Variants in KLF12 observed in about 807,000 individuals in gnomAD.
KLF12 encodes the protein Krueppel-like factor 12.
In KLF12, 9 loss-of-function variants were observed where a neutral mutation model predicts 37.8. The observed-to-expected ratio is 0.24, with a 90% CI of 0.14 to 0.42. The LOEUF (loss-of-function observed/expected upper bound fraction) is 0.42. Ranked by LOEUF, KLF12 falls within the 10% of genes least tolerant of loss-of-function variation. The pLI, the probability that KLF12 is intolerant of heterozygous loss-of-function variation, is 1.00. For missense variants in KLF12, 411 were observed against 516.0 expected (o/e 0.80, Z 1.97); for synonymous variants, 208 against 202.1 (o/e 1.03, Z -0.25).
chr13:74,058,911 T>C (rs901962173), intron 1 of KLF12, among the ~76,000 whole-genome samples: 5 of 152,182 alleles, frequency 3.3e-5, no homozygotes, highest in Admixed American at 6.5e-5. Flanking sequence ...TAAATGATCA[T>C]TGTACCCAAA....
rs576477078 is a variant in KLF12 at position 74,098,013 on chromosome 13, A to G, written c.-32+35726T>C. Reference sequence around the variant, plus strand: ...CAACCAACTGGCTAATCTTATTTTTACAGGCTACTACTAGCCTCGACTATC... The same window carrying G: ...CAACCAACTGGCTAATCTTATTTTTGCAGGCTACTACTAGCCTCGACTATC... On this transcript the variant is annotated intron_variant, in intron 1 of 7. Transcript: ENST00000377669. Among the ~76,000 whole-genome samples, 24 of 152,278 alleles carry G rather than the reference A, an allele frequency of 1.6e-4. 1 individual carries two copies. In the South Asian group the frequency reaches 4.6e-3, roughly 29 times the overall value.
intron 1 of KLF12, among the ~76,000 whole-genome samples, chr13:74,097,817 A>G (rs1249981648): frequency 6.6e-6 from 1 of 151,732 alleles, no homozygotes; most frequent in Non-Finnish European, 1.5e-5. Context: ...TAATTTCCCC[A>G]CACTTCAGAC....
At chr13:73,728,263 A>G (rs1048163898) in intron 6 of KLF12, among the ~76,000 whole-genome samples, 16 of 152,224 alleles carry the variant, frequency 1.1e-4, no homozygotes, top group African/African-American at 3.9e-4. Context: ...TAGATTGTCC[A>G]CTGTTAGTAT....
the KLF12 span, among the ~76,000 whole-genome samples, chr13:74,182,962 C>T: frequency 0.27 from 41,478 of 151,922 alleles, 8,823 homozygotes; most frequent in African/African-American, 0.59. Flanking sequence ...TTAACTCTTT[C>T]TCCAGGAACA....
At chr13:73,768,888 A>G (rs1485697398) in intron 5 of KLF12, among the ~76,000 whole-genome samples, 1 of 149,538 alleles carries the variant, frequency 6.7e-6, no homozygotes, top group Non-Finnish European at 1.5e-5. Flanking sequence ...CATGGATGAT[A>G]TAAGATTATC....
chr13:73,942,742 A>G (rs1256250863), intron 3 of KLF12, among the ~76,000 whole-genome samples: 1 of 152,206 alleles, frequency 6.6e-6, no homozygotes, highest in Admixed American at 6.5e-5. Context: ...CTGTGGAGTC[A>G]TGTTATTGGT....
intron 5 of KLF12, among the ~76,000 whole-genome samples, chr13:73,783,826 T>G (rs953619579): frequency 2.0e-5 from 3 of 152,120 alleles, no homozygotes; most frequent in African/African-American, 7.2e-5. Context: ...CGTACCATCT[T>G]TGTGAACTTT....
intron 1 of KLF12, among the ~76,000 whole-genome samples, chr13:73,998,196 A>G (rs1158122773): frequency 6.6e-6 from 1 of 152,190 alleles, no homozygotes; most frequent in Non-Finnish European, 1.5e-5. Context: ...CAATTACCTC[A>G]GAGTACAGGC....
At chr13:73,956,638 TG>T (rs1890841849) in intron 2 of KLF12, among the ~76,000 whole-genome samples, 1 of 152,156 alleles carries the variant, frequency 6.6e-6, no homozygotes, top group African/African-American at 2.4e-5. Flanking sequence ...ACCTTAATTT[TG>T]TCCAGGCATG....
At chr13:74,170,835 G>A in the KLF12 span, among the ~76,000 whole-genome samples, 2 of 152,162 alleles carry the variant, frequency 1.3e-5, no homozygotes, top group African/African-American at 2.4e-5. Flanking sequence ...GGCAATCTCG[G>A]CTCACTGCTG....
intron 4 of KLF12, among the ~76,000 whole-genome samples, chr13:73,819,027 T>C (rs1176050051): frequency 6.6e-6 from 1 of 152,188 alleles, no homozygotes; most frequent in Non-Finnish European, 1.5e-5. Flanking sequence ...GAGGAATGTT[T>C]GGGAAAATTC....
chr13:74,209,522 TCA>T, the KLF12 span, among the ~76,000 whole-genome samples: 78,711 of 145,764 alleles, frequency 0.54, 21,579 homozygotes, highest in East Asian at 0.78. Context: ...AACATCTTAG[TCA>T]CACACACACA....
intron 1 of KLF12, among the ~76,000 whole-genome samples, chr13:74,036,117 T>C (rs1431611739): frequency 6.6e-6 from 1 of 152,172 alleles, no homozygotes; most frequent in African/African-American, 2.4e-5. Context: ...ATCAGCTCCT[T>C]GTGAACCATC....
chr13:74,229,862 C>T, the KLF12 span, among the ~76,000 whole-genome samples: 3 of 152,134 alleles, frequency 2.0e-5, no homozygotes, highest in Non-Finnish European at 4.4e-5. Context: ...GTTGTGTTTC[C>T]ACCTAATCCT....
At chr13:73,893,218 A>C (rs148785364) in intron 3 of KLF12, among the ~76,000 whole-genome samples, 5 of 152,096 alleles carry the variant, frequency 3.3e-5, no homozygotes, top group African/African-American at 9.6e-5. Flanking sequence ...CTAATGACTA[A>C]ATAAACACAA....
the KLF12 span, among the ~76,000 whole-genome samples, chr13:74,145,844 G>T: frequency 6.6e-6 from 1 of 152,080 alleles, no homozygotes; most frequent in South Asian, 2.1e-4. Flanking sequence ...AAGGTTAATA[G>T]CAGACATCCT....
intron 1 of KLF12, among the ~76,000 whole-genome samples, chr13:74,072,523 A>G (rs1411877942): frequency 6.6e-6 from 1 of 151,566 alleles, no homozygotes; most frequent in East Asian, 2.0e-4. Flanking sequence ...GGATTGCTTG[A>G]GGCCAGGAGT....
At chr13:73,894,893 T>G (rs1449332599) in intron 3 of KLF12, among the ~76,000 whole-genome samples, 2 of 152,214 alleles carry the variant, frequency 1.3e-5, no homozygotes, top group Non-Finnish European at 2.9e-5. Context: ...TGTCAAAATT[T>G]AGTGAGAGGA....
At chr13:73,825,934 T>TA (rs1361634368) in intron 4 of KLF12, among the ~76,000 whole-genome samples, 1 of 152,072 alleles carries the variant, frequency 6.6e-6, no homozygotes, top group African/African-American at 2.4e-5. Flanking sequence ...CTGCCACATT[T>TA]AAGCTATCAA....
Sources: allele counts gnomAD v4.1 joint callset (sites outside exome capture counted in the v4.1 genomes callset), GRCh38; gene constraint gnomAD v4.1.1; transcripts MANE v1.5; gene names NCBI Gene and HGNC (gene_info 2026-07-23, HGNC 2026-07-21).